Variants in PTGER3 observed in about 807,000 individuals in gnomAD.
PTGER3 encodes the protein prostaglandin E2 receptor EP3 subtype.
Under a neutral mutation model 34.7 loss-of-function variants are expected in PTGER3, and 22 were observed. The observed-to-expected ratio is 0.63, with a 90% confidence interval of 0.45 to 0.91. The LOEUF is 0.91. Ranked by LOEUF, PTGER3 falls within the 40% of genes least tolerant of loss-of-function variation. The pLI is 0.00. For missense variants in PTGER3, 468 were observed against 519.4 expected, an observed-to-expected ratio of 0.90 and a Z score of 0.96; for synonymous variants, 241 against 230.1, an observed-to-expected ratio of 1.05 and a Z score of -0.43.
intron 4 of PTGER3, among the ~76,000 whole-genome samples, chr1:70,857,876 T>C (rs748055578): frequency 2.0e-5 from 3 of 152,242 alleles, no homozygotes; most frequent in Admixed American, 6.5e-5. Flanking sequence ...AATTCATGAC[T>C]ACAGTTGCAA....
chr1:70,890,339 T>C (rs1646589494), intron 4 of PTGER3, among the ~76,000 whole-genome samples: 1 of 152,182 alleles, frequency 6.6e-6, no homozygotes. Flanking sequence ...GCTTATAGAA[T>C]TAAGTGATCC....
intron 2 of PTGER3, chr1:71,010,756 C>G: frequency 2.0e-6 from 2 of 985,172 alleles, no homozygotes; most frequent in Non-Finnish European, 2.4e-6. Context: ...TACATAAGCA[C>G]TCTCAACAGA....
intron 4 of PTGER3, among the ~76,000 whole-genome samples, chr1:70,941,234 ACT>A (rs1422793246): frequency 1.3e-5 from 2 of 152,146 alleles, no homozygotes; most frequent in African/African-American, 4.8e-5. Context: ...AGAATTTGAA[ACT>A]CTGAATTTTA....
chr1:70,906,712 GT>G (rs1646955909), intron 4 of PTGER3, among the ~76,000 whole-genome samples: 2 of 152,138 alleles, frequency 1.3e-5, no homozygotes, highest in Non-Finnish European at 2.9e-5. Context: ...GTTCAAGTTA[GT>G]TTGGTTTTCC....
chr1:70,922,209 T>C (rs1290053078), intron 4 of PTGER3, among the ~76,000 whole-genome samples: 1 of 152,012 alleles, frequency 6.6e-6, no homozygotes, highest in Non-Finnish European at 1.5e-5. Flanking sequence ...CTTCTAGCTA[T>C]GCAAAGAAGG....
At chr1:70,926,547 C>T in intron 4 of PTGER3, among the ~76,000 whole-genome samples, 1 of 152,156 alleles carries the variant, frequency 6.6e-6, no homozygotes, top group East Asian at 1.9e-4. Flanking sequence ...TGAGACTTTG[C>T]TGAAGTTGCT....
chr1:70,980,701 AAAGT>A (rs1654171155), intron 2 of PTGER3, among the ~76,000 whole-genome samples: 3 of 152,150 alleles, frequency 2.0e-5, no homozygotes, highest in Non-Finnish European at 4.4e-5. Flanking sequence ...GCAATGACAC[AAAGT>A]AAGCACTCAG....
chr1:71,038,728 T>C (rs557607525), intron 1 of PTGER3, among the ~76,000 whole-genome samples: 2 of 152,332 alleles, frequency 1.3e-5, no homozygotes, highest in African/African-American at 2.4e-5. Flanking sequence ...TAATGTGTTG[T>C]CAGGACCTGG....
At chr1:70,884,995 A>G (rs1646467367) in intron 4 of PTGER3, among the ~76,000 whole-genome samples, 1 of 152,220 alleles carries the variant, frequency 6.6e-6, no homozygotes, top group Admixed American at 6.5e-5. Flanking sequence ...TGTTAAAATC[A>G]CATCCCACTG....
chr1:70,977,054 G>T (rs484675), intron 2 of PTGER3, among the ~76,000 whole-genome samples: 1 of 151,966 alleles, frequency 6.6e-6, no homozygotes, highest in Non-Finnish European at 1.5e-5. Context: ...ACTAAGCTGT[G>T]TTACAGGATA....
At chr1:71,026,372 C>T (rs1328509057) in intron 1 of PTGER3, among the ~76,000 whole-genome samples, 1 of 152,038 alleles carries the variant, frequency 6.6e-6, no homozygotes, top group Non-Finnish European at 1.5e-5. Flanking sequence ...AAGTGCCATG[C>T]GATATTTATA....
intron 2 of PTGER3, among the ~76,000 whole-genome samples, chr1:71,000,192 G>C (rs924542833): frequency 1.3e-5 from 2 of 152,144 alleles, no homozygotes; most frequent in African/African-American, 4.8e-5. Context: ...TTTGCTCATG[G>C]ATAACACATG....
chr1:71,009,993 T>A, intron 2 of PTGER3: 1 of 985,180 alleles, frequency 1.0e-6, no homozygotes, highest in Non-Finnish European at 1.2e-6. Context: ...ATAAAACTCA[T>A]ATGCCATTTA....
At chr1:71,022,631 G>C (rs187946035) in intron 1 of PTGER3, among the ~76,000 whole-genome samples, 2 of 151,862 alleles carry the variant, frequency 1.3e-5, no homozygotes, top group African/African-American at 4.9e-5. Context: ...GTGAATATGA[G>C]CAGATTGAGG....
At chr1:70,934,014 G>T (rs371102242) in intron 4 of PTGER3, among the ~76,000 whole-genome samples, 1 of 152,080 alleles carries the variant, frequency 6.6e-6, no homozygotes, top group Non-Finnish European at 1.5e-5. Flanking sequence ...CTGTCCCTGA[G>T]AATAAAATCT....
intron 1 of PTGER3, among the ~76,000 whole-genome samples, chr1:71,024,687 T>C (rs1658736140): frequency 7.1e-6 from 1 of 140,420 alleles, no homozygotes; most frequent in African/African-American, 2.7e-5. Context: ...CTCGAGTAGC[T>C]GGGATTACAG....
At chr1:70,896,121 C>CT (rs1024014393) in intron 4 of PTGER3, among the ~76,000 whole-genome samples, 25 of 152,236 alleles carry the variant, frequency 1.6e-4, no homozygotes, top group African/African-American at 6.0e-4. Flanking sequence ...TGTATTTTCT[C>CT]TTTTTTTCAA....
At chr1:70,869,096 C>T in intron 4 of PTGER3, 2 of 313,842 alleles carry the variant, frequency 6.4e-6, no homozygotes, top group Non-Finnish European at 1.3e-5. Flanking sequence ...CATTCCAGTG[C>T]CATGCTTGTA....
intron 4 of PTGER3, among the ~76,000 whole-genome samples, chr1:70,914,833 G>A (rs575472142): frequency 2.6e-5 from 4 of 152,034 alleles, no homozygotes; most frequent in Admixed American, 2.0e-4. Context: ...AGTAAAGTAA[G>A]GTAATGATCA....
Sources: allele counts gnomAD v4.1 joint callset (sites outside exome capture counted in the v4.1 genomes callset), GRCh38; gene constraint gnomAD v4.1.1; transcripts MANE v1.5; gene names NCBI Gene and HGNC (gene_info 2026-07-23, HGNC 2026-07-21).